The following ASTN1 variants were observed in gnomAD, a reference collection of about 807,000 sequenced individuals.
ASTN1 encodes astrotactin 1, also known as astrotactin-1.
ASTN1 carries 41 observed loss-of-function variants against 140.7 expected under a neutral mutation model. The ratio of observed to expected loss-of-function variants is 0.29; its 90% CI spans 0.23 to 0.38. ASTN1 has a LOEUF of 0.38. Among genes scored for constraint, ASTN1 ranks in the 10% least tolerant of loss-of-function variants. The pLI is 1.00. For missense variants in ASTN1, 1,479 were observed against 1,678.8 expected, an observed-to-expected ratio of 0.88 and a Z score of 2.08; for synonymous variants, 640 against 652.2, an observed-to-expected ratio of 0.98 and a Z score of 0.29.
intron 8 of ASTN1, among the ~76,000 whole-genome samples, chr1:177,009,885 C>T (rs1188411337): frequency 6.6e-6 from 1 of 152,180 alleles, no homozygotes; most frequent in Non-Finnish European, 1.5e-5. Context: ...TTTTATATCT[C>T]TCTAGTGGGG....
chr1:176,943,314 A>T (rs1160653853), intron 14 of ASTN1, among the ~76,000 whole-genome samples: 1 of 152,094 alleles, frequency 6.6e-6, no homozygotes, highest in Non-Finnish European at 1.5e-5. Context: ...CTGAAGGAAG[A>T]ATACTGCTGG....
chr1:176,994,852 G>A (rs1674363227), intron 8 of ASTN1, among the ~76,000 whole-genome samples: 1 of 152,004 alleles, frequency 6.6e-6, no homozygotes, highest in South Asian at 2.1e-4. Flanking sequence ...AATGATTGTT[G>A]GCTATTATTA....
intron 2 of ASTN1, among the ~76,000 whole-genome samples, chr1:177,053,461 T>C (rs1677639651): frequency 6.6e-6 from 1 of 152,204 alleles, no homozygotes; most frequent in Non-Finnish European, 1.5e-5. Context: ...GTCTCTCAGT[T>C]CTGCCAAGGG....
chr1:176,954,216 G>T (rs1280821613), intron 11 of ASTN1, among the ~76,000 whole-genome samples: 1 of 152,156 alleles, frequency 6.6e-6, no homozygotes, highest in Non-Finnish European at 1.5e-5. Flanking sequence ...TAAGGATCTT[G>T]AAATGGAGAC....
At chr1:176,946,186 C>T in intron 12 of ASTN1, 66 bp from the exon 13 acceptor site, 1 of 1,377,992 alleles carries the variant, frequency 7.3e-7, no homozygotes, top group Non-Finnish European at 9.7e-7. Flanking sequence ...CAAGTCAACC[C>T]CGTATATTGG....
intron 8 of ASTN1, among the ~76,000 whole-genome samples, chr1:176,970,877 T>C (rs1673116930): frequency 6.6e-6 from 1 of 152,014 alleles, no homozygotes; most frequent in African/African-American, 2.4e-5. Flanking sequence ...TTACATATTA[T>C]TCTACCTGTC....
At chr1:177,015,000 C>G (rs1323124296) in intron 7 of ASTN1, 125 bp from the exon 8 acceptor site, 1 of 808,598 alleles carries the variant, frequency 1.2e-6, no homozygotes, top group Non-Finnish European at 2.0e-6. Flanking sequence ...ATGAATGAGA[C>G]AGTAAGTTCC....
intron 1 of ASTN1, among the ~76,000 whole-genome samples, chr1:177,089,000 A>G (rs6425411): frequency 0.46 from 69,785 of 151,918 alleles, 17,523 homozygotes; most frequent in Non-Finnish European, 0.57. Flanking sequence ...CCCTACTCGT[A>G]TTTCTCCTCT....
intron 1 of ASTN1, among the ~76,000 whole-genome samples, chr1:177,077,000 T>C (rs1440323462): frequency 6.6e-6 from 1 of 152,198 alleles, no homozygotes; most frequent in Non-Finnish European, 1.5e-5. Flanking sequence ...TCTCAATTGC[T>C]TCAGTTTTCC....
Position 177,061,064 on chromosome 1 carries a change from T to C in ASTN1, c.471+14A>G, listed in dbSNP as rs374055240. On this transcript the variant is annotated intron_variant, in intron 2 of 22. Transcript: ENST00000361833. ...AAGCTATGGCCTGAGAGGCTAAGGC[T>C]GTTCTGCTCTTACCATGACTGAGAT... The C allele has an allele frequency of 5.3e-5, 83 of 1,560,626 alleles. No homozygotes were observed. Among genetic ancestry groups the C allele is most frequent in the African/African-American group, 8.2e-5 (6 of 73,240 alleles).
rs191109572 is a variant in ASTN1 at position 177,031,206 on chromosome 1, A to G, written c.866-254T>C. ...TTCAACTATTATTATATTATGTATT[A>G]TAATATTCTGTATTGATAAGGTCAG... On this transcript the variant is annotated intron_variant, in intron 3 of 22. Transcript: ENST00000361833. Among the ~76,000 whole-genome samples the G allele has an allele frequency of 3.2e-3, 492 of 152,346 alleles. 1 individual carries two copies. The highest frequency in any genetic ancestry group is 0.011 in the African/African-American group (475 of 41,588).
chr1:176,976,681 C>T (rs1673377960), intron 8 of ASTN1: 1 of 152,248 alleles, frequency 6.6e-6, no homozygotes, highest in Non-Finnish European at 1.5e-5. Flanking sequence ...ATAGTAACTA[C>T]TGTCTTCCTC....
intron 7 of ASTN1, among the ~76,000 whole-genome samples, chr1:177,021,442 G>A (rs1675819801): frequency 6.6e-6 from 1 of 152,138 alleles, no homozygotes; most frequent in South Asian, 2.1e-4. Flanking sequence ...GCTTAGTAAT[G>A]GTTGTTTTTT....
At chr1:177,121,346 C>A (rs968256198) in intron 1 of ASTN1, among the ~76,000 whole-genome samples, 1 of 151,970 alleles carries the variant, frequency 6.6e-6, no homozygotes, top group Non-Finnish European at 1.5e-5. Context: ...CAAAATGGAA[C>A]GAGGGGCCCT....
At chr1:177,011,662 CCA>C (rs959643178) in intron 8 of ASTN1, among the ~76,000 whole-genome samples, 5 of 150,194 alleles carry the variant, frequency 3.3e-5, no homozygotes, top group East Asian at 2.0e-4. Flanking sequence ...CACACACACA[CCA>C]CACACACACA....
rs553464072 is a variant in ASTN1, at chr1:177,138,969, C to T, written c.283+25425G>A. 2.6e-5 allele frequency among the ~76,000 whole-genome samples: 4 copies of T among 152,290 alleles called. No individual in the cohort carries two copies. The East Asian group carries it at 7.7e-4, about 29-fold the overall frequency. On this transcript the variant is annotated intron_variant, in intron 1 of 22. Coordinates refer to ENST00000361833, the MANE Select transcript of ASTN1 (RefSeq NM_004319.3). ...AGTGGTGGATTCTCTGACACCAAAG[C>T]CCATGCTCTTTCCACTCCGCCATGC...
chr1:177,078,933 T>TA (rs377097148), intron 1 of ASTN1, among the ~76,000 whole-genome samples: 21 of 151,724 alleles, frequency 1.4e-4, no homozygotes, highest in African/African-American at 4.6e-4. Flanking sequence ...TACTGTCATG[T>TA]AAAAAAAAAT....
At chr1:176,909,427 C>A (rs1397131812) in intron 16 of ASTN1, among the ~76,000 whole-genome samples, 4 of 152,184 alleles carry the variant, frequency 2.6e-5, no homozygotes, top group African/African-American at 4.8e-5. Flanking sequence ...ACCCTCAAGG[C>A]TGGCAACCAT....
At chr1:177,024,805 C>A in intron 5 of ASTN1, 73 bp from the exon 6 acceptor site, 1 of 1,521,626 alleles carries the variant, frequency 6.6e-7, no homozygotes, top group South Asian at 1.2e-5. Flanking sequence ...GGCTTTTTGC[C>A]AATCATCCTG....
Sources: gnomAD v4.1 joint callset for allele counts (sites outside exome capture counted in the v4.1 genomes callset) on GRCh38, gnomAD v4.1.1 for gene constraint, MANE v1.5 for transcripts, NCBI Gene and HGNC (gene_info 2026-07-23, HGNC 2026-07-21) for gene names.